The following KCNQ5 variants were observed in gnomAD, a reference collection of about 807,000 sequenced individuals.
KCNQ5 encodes the protein potassium voltage-gated channel subfamily Q member 5.
A neutral mutation model predicts 98.2 loss-of-function variants in KCNQ5; 30 were observed. That is an observed-to-expected ratio of 0.31 (90% CI 0.23 to 0.41). KCNQ5 has a LOEUF of 0.41. Among genes scored for constraint, KCNQ5 ranks in the 10% least tolerant of loss-of-function variants. The probability of loss-of-function intolerance (pLI) is 1.00; values close to 1 mark genes in which losing one functional copy is unlikely to be tolerated. For synonymous variants in KCNQ5, 458 were observed against 449.4 expected, an observed-to-expected ratio of 1.02 and a Z score of -0.24; for missense variants, 835 against 1,182.5, an observed-to-expected ratio of 0.71 and a Z score of 4.31.
chr6:73,164,585 T>C (rs944135948), intron 10 of KCNQ5, among the ~76,000 whole-genome samples: 1 of 152,214 alleles, frequency 6.6e-6, no homozygotes, highest in South Asian at 2.1e-4. Context: ...GGAGGTAATG[T>C]CTTGTAATCA....
At chr6:72,812,650 A>C (rs1461616601) in intron 1 of KCNQ5, among the ~76,000 whole-genome samples, 3 of 152,196 alleles carry the variant, frequency 2.0e-5, no homozygotes, top group Non-Finnish European at 4.4e-5. Flanking sequence ...AAATGGAGTC[A>C]GAGAGGCTTA....
At chr6:72,670,112 C>G (rs140622157) in intron 1 of KCNQ5, among the ~76,000 whole-genome samples, 1 of 152,292 alleles carries the variant, frequency 6.6e-6, no homozygotes, top group African/African-American at 2.4e-5. Context: ...TTCTACAAAA[C>G]ACTAAAGGAC....
intron 2 of KCNQ5, among the ~76,000 whole-genome samples, chr6:73,017,301 T>C (rs73533936): frequency 0.054 from 8,262 of 152,244 alleles, 773 homozygotes; most frequent in African/African-American, 0.19. Flanking sequence ...CATCATTTTT[T>C]AAGTTCCCAC....
At chr6:72,704,351 A>C (rs1268625948) in intron 1 of KCNQ5, among the ~76,000 whole-genome samples, 1 of 152,138 alleles carries the variant, frequency 6.6e-6, no homozygotes, top group Non-Finnish European at 1.5e-5. Flanking sequence ...AAACCTTTAA[A>C]TAATACATTC....
At chr6:72,897,087 G>A (rs1286252319) in intron 1 of KCNQ5, among the ~76,000 whole-genome samples, 1 of 152,086 alleles carries the variant, frequency 6.6e-6, no homozygotes, top group African/African-American at 2.4e-5. Flanking sequence ...AAAACAGAAC[G>A]TATTTGGGTA....
chr6:72,739,681 C>T (rs748741284), intron 1 of KCNQ5, among the ~76,000 whole-genome samples: 1 of 152,156 alleles, frequency 6.6e-6, no homozygotes, highest in Non-Finnish European at 1.5e-5. Context: ...TCAGAGAAGG[C>T]AGTGGACCTA....
At chr6:72,701,904 G>A (rs1241430589) in intron 1 of KCNQ5, among the ~76,000 whole-genome samples, 1 of 152,100 alleles carries the variant, frequency 6.6e-6, no homozygotes, top group Non-Finnish European at 1.5e-5. Flanking sequence ...ATGTTGCCCA[G>A]GCTGGTCTCC....
At chr6:73,069,161 T>C (rs912715995) in intron 3 of KCNQ5, among the ~76,000 whole-genome samples, 2 of 152,184 alleles carry the variant, frequency 1.3e-5, no homozygotes, top group Admixed American at 6.5e-5. Flanking sequence ...TAAATTCGTC[T>C]ATGTGCCTTC....
intron 2 of KCNQ5, among the ~76,000 whole-genome samples, chr6:73,004,361 G>A (rs1286678092): frequency 6.6e-6 from 1 of 152,186 alleles, no homozygotes; most frequent in African/African-American, 2.4e-5. Flanking sequence ...CTATAGAGTA[G>A]AGAGCATTTT....
At chr6:72,988,098 T>C (rs1298552825) in intron 1 of KCNQ5, among the ~76,000 whole-genome samples, 2 of 152,204 alleles carry the variant, frequency 1.3e-5, no homozygotes, top group South Asian at 4.1e-4. Flanking sequence ...ACCTCCTGTT[T>C]TCTGTGTTAA....
At chr6:72,670,732 G>A (rs1409665385) in intron 1 of KCNQ5, among the ~76,000 whole-genome samples, 1 of 152,174 alleles carries the variant, frequency 6.6e-6, no homozygotes, top group Non-Finnish European at 1.5e-5. Context: ...GGTGGAGAGA[G>A]ACAGTATGAG....
chr6:72,870,350 A>G (rs1333571694), intron 1 of KCNQ5, among the ~76,000 whole-genome samples: 1 of 152,070 alleles, frequency 6.6e-6, no homozygotes, highest in Admixed American at 6.6e-5. Context: ...TCTGCAGCTC[A>G]CTGCAGCCTC....
At chr6:72,667,779 A>G (rs1766898114) in intron 1 of KCNQ5, among the ~76,000 whole-genome samples, 1 of 152,358 alleles carries the variant, frequency 6.6e-6, no homozygotes, top group South Asian at 2.1e-4. Flanking sequence ...ATGTATCCCT[A>G]TATGATGGTA....
chr6:72,691,854 T>A (rs912924815), intron 1 of KCNQ5, among the ~76,000 whole-genome samples: 1 of 152,176 alleles, frequency 6.6e-6, no homozygotes, highest in Non-Finnish European at 1.5e-5. Flanking sequence ...ATAGAAATAT[T>A]TGTCAACTTT....
chr6:72,753,302 G>T (rs1361004656), intron 1 of KCNQ5, among the ~76,000 whole-genome samples: 1 of 151,784 alleles, frequency 6.6e-6, no homozygotes, highest in Non-Finnish European at 1.5e-5. Context: ...TTATATTTTT[G>T]AGTTGGATCC....
intron 1 of KCNQ5, among the ~76,000 whole-genome samples, chr6:72,972,402 A>C (rs1767946399): frequency 6.6e-6 from 1 of 151,820 alleles, no homozygotes; most frequent in Non-Finnish European, 1.5e-5. Context: ...AATGGAATAC[A>C]TGTGCAGAAC....
intron 11 of KCNQ5, among the ~76,000 whole-genome samples, chr6:73,180,063 G>C (rs189726698): frequency 4.3e-4 from 66 of 152,296 alleles, no homozygotes; most frequent in Non-Finnish European, 6.9e-4. Flanking sequence ...ATCACTAGGG[G>C]AGGCAGCCAC....
chr6:72,805,208 A>C (rs1432479069), intron 1 of KCNQ5, among the ~76,000 whole-genome samples: 1 of 151,980 alleles, frequency 6.6e-6, no homozygotes, highest in African/African-American at 2.4e-5. Flanking sequence ...GATTGCCTGT[A>C]CTTGTAAGAT....
intron 5 of KCNQ5, among the ~76,000 whole-genome samples, chr6:73,079,306 C>T (rs971620630): frequency 2.0e-5 from 3 of 152,170 alleles, no homozygotes; most frequent in African/African-American, 7.2e-5. Context: ...CTCTTTTAAA[C>T]CACCCTTAGT....
Sources: gnomAD v4.1 joint callset for allele counts (sites outside exome capture counted in the v4.1 genomes callset) on GRCh38, gnomAD v4.1.1 for gene constraint, MANE v1.5 for transcripts, NCBI Gene and HGNC (gene_info 2026-07-23, HGNC 2026-07-21) for gene names.